The following SLC13A3 variants were observed in gnomAD, a reference collection of about 807,000 sequenced individuals.
SLC13A3 encodes the protein Na(+)/dicarboxylate cotransporter 3.
SLC13A3 carries 40 observed loss-of-function variants against 59.0 expected under a neutral mutation model. That is an observed-to-expected ratio of 0.68 (90% confidence interval 0.53 to 0.88). The LOEUF is 0.88. SLC13A3 is among the 40% of genes least tolerant of loss of function. The pLI, the probability that SLC13A3 is intolerant of heterozygous loss-of-function variation, is 0.00. For missense variants in SLC13A3, 699 were observed against 783.2 expected (o/e 0.89, Z 1.28); for synonymous variants, 317 against 330.3 (o/e 0.96, Z 0.44).
intron 1 of SLC13A3, among the ~76,000 whole-genome samples, chr20:46,628,738 C>T (rs928171253): frequency 3.3e-5 from 5 of 152,210 alleles, no homozygotes; most frequent in Admixed American, 1.3e-4. Context: ...ATTTAAAATT[C>T]CAGTTTCTTA....
intron 1 of SLC13A3, among the ~76,000 whole-genome samples, chr20:46,634,805 C>A (rs1023328031): frequency 6.6e-6 from 1 of 152,152 alleles, no homozygotes; most frequent in East Asian, 1.9e-4. Context: ...TGACCTTGGG[C>A]AGCTCCGTCC....
intron 1 of SLC13A3, among the ~76,000 whole-genome samples, chr20:46,668,181 A>C (rs542798386): frequency 6.6e-6 from 1 of 152,348 alleles, no homozygotes; most frequent in African/African-American, 2.4e-5. Flanking sequence ...TCACTTTAAA[A>C]TCAAAAGCTA....
chr20:46,592,639 T>A (rs1352559913), intron 5 of SLC13A3, 110 bp from the exon 6 acceptor site: 1 of 1,100,982 alleles, frequency 9.1e-7, no homozygotes, highest in Non-Finnish European at 1.3e-6. Context: ...AATGAGAGGG[T>A]CCCATGGAAG....
chr20:46,626,213 CCT>C (rs1303526551), intron 1 of SLC13A3, among the ~76,000 whole-genome samples: 7 of 149,098 alleles, frequency 4.7e-5, no homozygotes, highest in Admixed American at 1.3e-4. Context: ...CTCTGTCTGT[CCT>C]CTCTCTCCCT....
chr20:46,560,060 G>A lies in SLC13A3; in HGVS notation c.1771C>T (p.Pro591Ser). 6.2e-7 allele frequency: 1 copy of A among 1,614,166 alleles called. No individual in the cohort carries two copies. The highest frequency in any genetic ancestry group is 8.5e-7 in the Non-Finnish European group (1 of 1,180,026). Residue 591 changes from proline (P) to serine (S), a missense_variant, in exon 13 of 13, where the codon CCA (proline) becomes TCA (serine). By Grantham distance (74) the Pro-to-Ser change is moderately conservative (BLOSUM62 -1). Transcript: ENST00000279027. Reference sequence around the variant, plus strand: ...AATGTGTCATTGGCCAAGGTGGGTGGCAATGCTGTGACATTGACCGAGTAC... The same window carrying A: ...AATGTGTCATTGGCCAAGGTGGGTGACAATGCTGTGACATTGACCGAGTAC... ...DMYSVNVTAL[P>S]PTLANDTFRT...
intron 12 of SLC13A3, among the ~76,000 whole-genome samples, chr20:46,561,877 C>T (rs2061934728): frequency 6.6e-6 from 1 of 152,082 alleles, no homozygotes; most frequent in South Asian, 2.1e-4. Flanking sequence ...AAAATTCCTG[C>T]TGGTCCCATG....
upstream of SLC13A3, among the ~76,000 whole-genome samples, chr20:46,671,783 C>A (rs539015559): frequency 1.3e-5 from 2 of 152,098 alleles, no homozygotes; most frequent in Non-Finnish European, 2.9e-5. Flanking sequence ...ATACTTGTAC[C>A]GGCATCTGAC....
At chr20:46,580,077 T>C (rs1568917878) in intron 9 of SLC13A3, among the ~76,000 whole-genome samples, 1 of 152,138 alleles carries the variant, frequency 6.6e-6, no homozygotes, top group African/African-American at 2.4e-5. Flanking sequence ...TGCCTCAGCC[T>C]CCCAAGTAGC....
At chr20:46,598,701 C>T (rs2098604747) in intron 4 of SLC13A3, among the ~76,000 whole-genome samples, 1 of 152,160 alleles carries the variant, frequency 6.6e-6, no homozygotes, top group Non-Finnish European at 1.5e-5. Flanking sequence ...ATGCCCCTCT[C>T]CTGCTAAAAT....
chr20:46,618,411 C>T (rs138496112), intron 1 of SLC13A3, among the ~76,000 whole-genome samples: 4 of 152,350 alleles, frequency 2.6e-5, no homozygotes, highest in Non-Finnish European at 4.4e-5. Flanking sequence ...CTGAGAAGGG[C>T]AGACACCTCA....
chr20:46,569,621 G>A (rs1410336118), intron 10 of SLC13A3, among the ~76,000 whole-genome samples: 4 of 152,362 alleles, frequency 2.6e-5, no homozygotes, highest in Middle Eastern at 3.4e-3. Flanking sequence ...GTGGCTGGGC[G>A]CTTGGTTAGC....
At chr20:46,590,566 A>C (rs1022507194) in intron 6 of SLC13A3, among the ~76,000 whole-genome samples, 1 of 152,220 alleles carries the variant, frequency 6.6e-6, no homozygotes, top group African/African-American at 2.4e-5. Flanking sequence ...CAAACTTTTC[A>C]TATGCTTCCA....
chr20:46,671,507 T>C (rs1323438589), upstream of SLC13A3, among the ~76,000 whole-genome samples: 1 of 151,788 alleles, frequency 6.6e-6, no homozygotes, highest in African/African-American at 2.4e-5. Context: ...TATATGTCTG[T>C]AATCCTCATT....
At position 46,651,416 on chromosome 20, in the gene SLC13A3, C is replaced by T. The variant is rs2062950984; in HGVS notation, c.6G>A (p.Ala2=). 2.7e-6 allele frequency: 4 copies of T among 1,483,610 alleles called. No individual in the cohort carries two copies. The highest frequency in any genetic ancestry group is 2.7e-6 in the Non-Finnish European group (3 of 1,123,154). 91.9% of individuals were successfully genotyped at this position (1,483,610 alleles called of 1,614,324 possible). Residue 2 remains alanine (A), a synonymous_variant, in exon 1 of 13, where the codon GCG becomes GCA. Transcript: ENST00000279027. Reference sequence around the variant, plus strand: ...CCTTCTTGGCCGCTGCTGCCAGCGCCGCCATCAGCGCGATCGCCTGGCGGT... The same window carrying T: ...CCTTCTTGGCCGCTGCTGCCAGCGCTGCCATCAGCGCGATCGCCTGGCGGT... M[A]ALAAAAKKVW...
At chr20:46,622,465 C>T (rs2062624834) in intron 1 of SLC13A3, among the ~76,000 whole-genome samples, 1 of 152,126 alleles carries the variant, frequency 6.6e-6, no homozygotes, top group African/African-American at 2.4e-5. Flanking sequence ...AAAGCTTTTG[C>T]AGATTCCTAA....
At chr20:46,605,288 G>C (rs555282871) in intron 3 of SLC13A3, among the ~76,000 whole-genome samples, 18 of 152,240 alleles carry the variant, frequency 1.2e-4, no homozygotes, top group African/African-American at 4.3e-4. Flanking sequence ...AGATGAAACT[G>C]GAAAACCTGG....
intron 1 of SLC13A3, among the ~76,000 whole-genome samples, chr20:46,659,799 C>A (rs1349721983): frequency 1.3e-5 from 2 of 151,480 alleles, no homozygotes; most frequent in African/African-American, 4.9e-5. Context: ...ATTTACCACC[C>A]TCTTCTCTTC....
intron 10 of SLC13A3, among the ~76,000 whole-genome samples, chr20:46,571,165 C>T (rs2062025713): frequency 6.6e-6 from 1 of 152,136 alleles, no homozygotes. Flanking sequence ...GGGTAACCGC[C>T]CCCACGATTA....
chr20:46,622,972 A>T (rs1438264141), intron 1 of SLC13A3, among the ~76,000 whole-genome samples: 1 of 151,222 alleles, frequency 6.6e-6, no homozygotes, highest in African/African-American at 2.4e-5. Flanking sequence ...ATCATTAAAA[A>T]CCTCCCCACG....
Sources: allele counts gnomAD v4.1 joint callset (sites outside exome capture counted in the v4.1 genomes callset), GRCh38; gene constraint gnomAD v4.1.1; transcripts MANE v1.5; gene names NCBI Gene and HGNC (gene_info 2026-07-23, HGNC 2026-07-21).